KIF26A: variants seen among roughly 807,000 people sequenced by gnomAD.
KIF26A encodes kinesin family member 26A.
In KIF26A, 74 loss-of-function variants were observed where a neutral mutation model predicts 126.0. That is an observed-to-expected ratio of 0.59 (90% CI 0.49 to 0.71). The LOEUF (loss-of-function observed/expected upper bound fraction) is 0.71. KIF26A is among the 30% of genes least tolerant of loss of function. KIF26A has a pLI of 0.00. For missense variants in KIF26A, 2,984 were observed against 2,763.3 expected (o/e 1.08, Z -1.79); for synonymous variants, 1,445 against 1,232.7 (o/e 1.17, Z -3.61).
rs1566865719 is a variant in KIF26A at position 104,176,106 on chromosome 14, CG to C, written c.3320del (p.Gly1107AlafsTer141). ...GGGCAGCCTGGGCCGGCAGCAGTCA[CG>C]GCTCCTCCATCAGCTCCTGGCTCAG... ...EGAAWAGSSH[G>X]SSISSWLSEV... is the part of the protein sequence containing the mutation. On this transcript the variant is annotated frameshift_variant, in exon 12 of 15. Transcript: ENST00000423312. LOFTEE classifies it high-confidence loss of function. 6.3e-7 allele frequency: 1 copy of C among 1,584,456 alleles called. No homozygotes were observed.
Position 104,173,833 on chromosome 14 carries a change from GGC to G in KIF26A, c.1996_1997del (p.Ala666ProfsTer21). On this transcript the variant is annotated frameshift_variant, in exon 10 of 15. Coordinates refer to ENST00000423312, the MANE Select transcript of KIF26A (RefSeq NM_015656.2). LOFTEE classifies it high-confidence loss of function. ...SLSALGSVIL[A>X]LVNGAKHVPY... ...TGTCGGCCCTGGGCAGCGTCATCTT[GGC>G]CCTGGTCAACGGAGCCAAGCATGTG... The G allele has an allele frequency of 6.2e-7, 1 of 1,600,070 alleles. No homozygotes were observed. Among genetic ancestry groups the G allele is most frequent in the Non-Finnish European group, 8.5e-7 (1 of 1,178,312 alleles).
rs1201595582 is a variant in KIF26A at position 104,148,235 on chromosome 14, G to A, written c.289-3780G>A. 6.6e-6 allele frequency among the ~76,000 whole-genome samples: 1 copy of A among 152,218 alleles called. No homozygotes were observed. Among genetic ancestry groups the A allele is most frequent in the Non-Finnish European group, 1.5e-5 (1 of 68,036 alleles). Reference sequence around the variant, plus strand: ...AAAATAAAGAACAAAGTCATGATTTGTAAGTAGGGGGGAGACTCCCTAAAA... The same window carrying A: ...AAAATAAAGAACAAAGTCATGATTTATAAGTAGGGGGGAGACTCCCTAAAA... On this transcript the variant is annotated intron_variant, in intron 2 of 14. Coordinates refer to ENST00000423312, the MANE Select transcript of KIF26A (RefSeq NM_015656.2). The surrounding 1 kb of genome is among the most constrained non-coding windows in gnomAD (Gnocchi z 4.3).
intron 6 of KIF26A, 41 bp downstream of exon 6, chr14:104,171,976 G>A (rs1340209436): frequency 6.6e-7 from 1 of 1,524,868 alleles, no homozygotes; most frequent in Non-Finnish European, 8.9e-7. Flanking sequence ...GAGACCCGGA[G>A]CCGGGCTGCT....
At chr14:104,179,570 C>G in intron 14 of KIF26A, 39 bp from the exon 15 acceptor site, 1 of 1,475,502 alleles carries the variant, frequency 6.8e-7, no homozygotes, top group Admixed American at 2.3e-5. Flanking sequence ...CAGCCTCGGG[C>G]CTGACGCAGG....
In KIF26A at chr14:104,173,120, G is replaced by A; in HGVS notation, c.1564G>A (p.Glu522Lys). Reference sequence around the variant, plus strand: ...CTTCTCCGTCCGGGTCTCAGCCGTGGAGGTGTGCGGGCGCGACCAGAGCCT... The same window carrying A: ...CTTCTCCGTCCGGGTCTCAGCCGTGAAGGTGTGCGGGCGCGACCAGAGCCT... ...TRFSVRVSAV[E>K]VCGRDQSLRD... The change falls in exon 8 of 15, where the codon GAG becomes AAG. Residue 522 changes from glutamate (E) to lysine (K), a missense_variant. Physicochemically the swap from Glu to Lys is moderately conservative, Grantham distance 56 (BLOSUM62 1). Coordinates refer to ENST00000423312, the MANE Select transcript of KIF26A (RefSeq NM_015656.2). The A allele has an allele frequency of 6.2e-7, 1 of 1,608,326 alleles. No homozygotes were observed. The highest frequency in any genetic ancestry group is 8.5e-7 in the Non-Finnish European group (1 of 1,178,264).
Position 104,173,845 on chromosome 14 carries a change from C to T in KIF26A, c.2007C>T (p.Asn669=), listed in dbSNP as rs140549150. 3.8e-4 allele frequency: 612 copies of T among 1,596,858 alleles called. No homozygotes were observed. Among genetic ancestry groups the T allele is most frequent in the Non-Finnish European group, 4.8e-4 (561 of 1,176,996 alleles). Reference sequence around the variant, plus strand: ...GCAGCGTCATCTTGGCCCTGGTCAACGGAGCCAAGCATGTGCCGTATCGGT... The same window carrying T: ...GCAGCGTCATCTTGGCCCTGGTCAATGGAGCCAAGCATGTGCCGTATCGGT... The part of the protein sequence containing the change: ...ALGSVILALV[N]GAKHVPYRDH... Residue 669 remains asparagine, a synonymous_variant, in exon 10 of 15, where the codon AAC becomes AAT. Coordinates refer to ENST00000423312, the MANE Select transcript of KIF26A (RefSeq NM_015656.2).
chr14:104,179,233 C>A lies in KIF26A; in HGVS notation c.5317-3C>A, dbSNP rs936345429. 2.0e-6 allele frequency: 3 copies of A among 1,469,666 alleles called. No individual in the cohort carries two copies. The highest frequency in any genetic ancestry group is 4.9e-5 in the Admixed American group (2 of 41,204). 91.0% of individuals were successfully genotyped at this position (1,469,666 alleles called of 1,614,324 possible). A position where few individuals can be genotyped will look rare whatever the true frequency, so the allele number is the denominator to read the frequency against. On this transcript the variant is annotated splice_polypyrimidine_tract_variant and splice_region_variant and intron_variant, in intron 13 of 14. Coordinates refer to ENST00000423312, the MANE Select transcript of KIF26A (RefSeq NM_015656.2). ...CTGAGCCCCCGCCCGCCCTGCCTCC[C>A]AGGGTCTGGCGTGCGTCAGTACAAG...
chr14:104,162,099 C>T (rs908184130), intron 4 of KIF26A, among the ~76,000 whole-genome samples: 2 of 152,214 alleles, frequency 1.3e-5, no homozygotes, highest in African/African-American at 4.8e-5. Context: ...TGAATTTCAT[C>T]AAAGGAGAAA....
intron 3 of KIF26A, among the ~76,000 whole-genome samples, chr14:104,155,571 C>A (rs1197099393): frequency 6.6e-6 from 1 of 152,118 alleles, no homozygotes; most frequent in Admixed American, 6.5e-5. Context: ...TGTGGTCTTC[C>A]CTCTCGCCGT....
At position 104,175,050 on chromosome 14, in the gene KIF26A, G is replaced by A. The variant is rs1005206701; in HGVS notation, c.2262G>A (p.Leu754=). The A allele has an allele frequency of 1.3e-6, 2 of 1,577,622 alleles. No homozygotes were observed. Among genetic ancestry groups the A allele is most frequent in the South Asian group, 2.3e-5 (2 of 86,644 alleles). The change falls in exon 12 of 15, where the codon CTG becomes CTA. Residue 754 remains leucine, a synonymous_variant. Coordinates refer to ENST00000423312, the MANE Select transcript of KIF26A (RefSeq NM_015656.2). ...GCCGGGCCCGTCGGCCCCCGCACCT[G>A]CGGCCCTTCCACCCACGCACTGTGG... ...EEGRARRPPH[L]RPFHPRTVAL...
chr14:104,154,341 A>T (rs12147202), intron 3 of KIF26A, among the ~76,000 whole-genome samples: 1 of 151,980 alleles, frequency 6.6e-6, no homozygotes, highest in Admixed American at 6.5e-5. Context: ...GAGGCTTGGC[A>T]GGGGATGCTG....
At chr14:104,147,837 C>A (rs952480910) in intron 2 of KIF26A, among the ~76,000 whole-genome samples, 13 of 152,234 alleles carry the variant, frequency 8.5e-5, no homozygotes, top group African/African-American at 3.1e-4. Context: ...CACACGCATG[C>A]CTCACTGCGT....
chr14:104,149,108 C>T (rs1042659583), intron 2 of KIF26A, among the ~76,000 whole-genome samples: 1 of 152,098 alleles, frequency 6.6e-6, no homozygotes, highest in African/African-American at 2.4e-5. Context: ...GTGGTGGGGG[C>T]GATGGCGCCT....
chr14:104,144,476 G>A (rs1317927404), intron 2 of KIF26A, among the ~76,000 whole-genome samples: 6 of 152,204 alleles, frequency 3.9e-5, no homozygotes, highest in Non-Finnish European at 7.3e-5. Flanking sequence ...GAGTCCTGCT[G>A]GAGGGGCTTG....
chr14:104,164,042 C>T (rs750912772), intron 4 of KIF26A, among the ~76,000 whole-genome samples: 5 of 152,190 alleles, frequency 3.3e-5, no homozygotes, highest in African/African-American at 1.2e-4. Flanking sequence ...CTTTTACTTT[C>T]CACGATGACA....
Position 104,175,174 on chromosome 14 carries a change from G to C in KIF26A, c.2386G>C (p.Gly796Arg). 6.2e-7 allele frequency: 1 copy of C among 1,607,142 alleles called. No individual in the cohort carries two copies. The highest frequency in any genetic ancestry group is 8.5e-7 in the Non-Finnish European group (1 of 1,177,834). The change falls in exon 12 of 15, where the codon GGT becomes CGT. Residue 796 changes from glycine to arginine, a missense_variant. Coordinates refer to ENST00000423312, the MANE Select transcript of KIF26A (RefSeq NM_015656.2). ...SCDTVIYVGP[G>R]GAALSDRELT... ...TGACACGGTCATCTACGTGGGGCCC[G>C]GTGGGGCGGCGCTGTCAGACCGGGA...
At position 104,177,167 on chromosome 14, in the gene KIF26A, G is replaced by T. The variant is rs774970443; in HGVS notation, c.4379G>T (p.Arg1460Leu). ...KGREAPGRPP[R>L]AVPKLGVPPS... ...CGGGAAGCCCCTGGGCGGCCTCCCC[G>T]GGCTGTACCCAAGCTGGGTGTGCCA... The change falls in exon 12 of 15, where the codon CGG (arginine) becomes CTG (leucine). Residue 1460 changes from arginine to leucine, a missense_variant. Coordinates refer to ENST00000423312, the MANE Select transcript of KIF26A (RefSeq NM_015656.2). 6.3e-7 allele frequency: 1 copy of T among 1,597,236 alleles called. No individual in the cohort carries two copies. Among genetic ancestry groups the T allele is most frequent in the South Asian group, 1.1e-5 (1 of 90,896 alleles).
At chr14:104,170,156 C>T (rs2037943473) in intron 5 of KIF26A, among the ~76,000 whole-genome samples, 1 of 152,230 alleles carries the variant, frequency 6.6e-6, no homozygotes, top group Non-Finnish European at 1.5e-5. Context: ...GGAAGTCTCT[C>T]AAATCTGCAG....
At chr14:104,156,460 G>T (rs1027243258) in intron 3 of KIF26A, among the ~76,000 whole-genome samples, 2 of 152,136 alleles carry the variant, frequency 1.3e-5, no homozygotes, top group East Asian at 3.9e-4. Flanking sequence ...TGGAAGCCCC[G>T]GAGGAGTGGC....
Sources: gnomAD v4.1 joint callset for allele counts (sites outside exome capture counted in the v4.1 genomes callset) on GRCh38, gnomAD v4.1.1 for gene constraint, Gnocchi (gnomAD v3.1) non-coding constraint, MANE v1.5 for transcripts, NCBI Gene and HGNC (gene_info 2026-07-23, HGNC 2026-07-21) for gene names.